The following LTBR variants were observed in gnomAD, a reference collection of about 807,000 sequenced individuals.
The protein encoded by LTBR is lymphotoxin beta receptor.
Under a neutral mutation model 45.4 loss-of-function variants are expected in LTBR, and 15 were observed. That is an observed-to-expected ratio of 0.33 (90% CI 0.22 to 0.51). LTBR has a LOEUF of 0.51. LTBR is among the 20% of genes least tolerant of loss of function. The pLI is 0.97. For synonymous variants in LTBR, 228 were observed against 231.0 expected, an observed-to-expected ratio of 0.99 and a Z score of 0.12; for missense variants, 450 against 565.5, an observed-to-expected ratio of 0.80 and a Z score of 2.07.
intron 8 of LTBR, chr12:6,389,449 C>T (rs1047325481): frequency 1.9e-5 from 3 of 156,596 alleles, no homozygotes; most frequent in African/African-American, 4.8e-5. Context: ...GGCTCACGCC[C>T]AAGCTCCCAT....
At chr12:6,387,310 T>C (rs1949060931) in intron 6 of LTBR, 1 of 152,320 alleles carries the variant, frequency 6.6e-6, no homozygotes. Flanking sequence ...TGTTGTTGTT[T>C]ACTAAAAGTG....
chr12:6,375,223 T>C, upstream of LTBR: 7 of 1,440,956 alleles, frequency 4.9e-6, no homozygotes, highest in Non-Finnish European at 6.3e-6. Flanking sequence ...TGCCTTCTGT[T>C]TCTCTTTGGG....
intron 1 of LTBR, among the ~76,000 whole-genome samples, chr12:6,378,445 A>G (rs1948942600): frequency 6.6e-6 from 1 of 152,078 alleles, no homozygotes; most frequent in Non-Finnish European, 1.5e-5. Context: ...GAGCCACCAT[A>G]CTCAGCCCCT....
chr12:6,375,309 C>T, upstream of LTBR: 2 of 1,437,672 alleles, frequency 1.4e-6, no homozygotes, highest in South Asian at 1.5e-5. Context: ...CCTTGCCTTG[C>T]CCCCTCTCAC....
upstream of LTBR, among the ~76,000 whole-genome samples, chr12:6,382,306 G>A (rs543416845): frequency 1.4e-3 from 212 of 152,306 alleles, 1 homozygote; most frequent in African/African-American, 4.7e-3. Context: ...GGGGGAGGGG[G>A]TATACAGAAT....
chr12:6,389,987 G>A, intron 8 of LTBR, 125 bp from the exon 9 acceptor site: 1 of 703,946 alleles, frequency 1.4e-6, no homozygotes, highest in Non-Finnish European at 2.5e-6. Flanking sequence ...GAGAAAGAGA[G>A]AGAGAGAGAG....
intron 9 of LTBR, 58 bp downstream of exon 9, chr12:6,390,398 G>A: frequency 7.0e-7 from 1 of 1,430,140 alleles, no homozygotes; most frequent in Non-Finnish European, 9.6e-7. Flanking sequence ...GGCTGGCAGG[G>A]AGAGACTGTG....
At position 6,385,628 on chromosome 12, in the gene LTBR, C is replaced by G. The variant is rs1015114508; in HGVS notation, c.472+249C>G. 5 of 541,872 alleles carry G rather than the reference C, an allele frequency of 9.2e-6. No homozygotes were observed. The Admixed American group carries it at 9.7e-5, about 10-fold the overall frequency. 33.6% of individuals were successfully genotyped at this position (541,872 alleles called of 1,614,324 possible). A position where few individuals can be genotyped will look rare whatever the true frequency, so the allele number is the denominator to read the frequency against. On this transcript the variant is annotated intron_variant, in intron 4 of 9. Coordinates refer to ENST00000228918, the MANE Select transcript of LTBR (RefSeq NM_002342.3). ...TTGGGCAAAATGGTAGGCAGTAGGCCGGGTGTGGTGGCCCACGCCTGTAAT... is the reference window on the plus strand; with the variant it reads ...TTGGGCAAAATGGTAGGCAGTAGGCGGGGTGTGGTGGCCCACGCCTGTAAT...
chr12:6,386,730 C>A lies in LTBR; in HGVS notation c.667+286C>A. The A allele has an allele frequency of 6.0e-6, 2 of 331,110 alleles. No individual in the cohort carries two copies. The highest frequency in any genetic ancestry group is 1.1e-5 in the Non-Finnish European group (2 of 181,514). 20.5% of individuals were successfully genotyped at this position (331,110 alleles called of 1,614,324 possible). A position where few individuals can be genotyped will look rare whatever the true frequency, so the allele number is the denominator to read the frequency against. The stretch of plus-strand genomic sequence containing the variant: ...ACTATTGTCATCATTTTGGGCTTAC[C>A]AACATTACACAATCCGTTTTTTTTT... On this transcript the variant is annotated intron_variant, in intron 6 of 9. Coordinates refer to ENST00000228918, the MANE Select transcript of LTBR (RefSeq NM_002342.3). The surrounding 1 kb of genome is among the most constrained non-coding windows in gnomAD (Gnocchi z 4.1).
At chr12:6,379,031 C>T (rs188136368) in intron 1 of LTBR, among the ~76,000 whole-genome samples, 108 of 152,292 alleles carry the variant, frequency 7.1e-4, no homozygotes, top group African/African-American at 2.6e-3. Context: ...CAGGAGATGA[C>T]GGAAGTAATC....
intron 4 of LTBR, 78 bp downstream of exon 4, chr12:6,385,457 A>G: frequency 1.3e-6 from 2 of 1,497,516 alleles, no homozygotes; most frequent in Non-Finnish European, 1.8e-6. Flanking sequence ...GGAATATGGT[A>G]CTGTGTCCAC....
At chr12:6,390,082 A>G in intron 8 of LTBR, 30 bp from the exon 9 acceptor site, 1 of 1,493,048 alleles carries the variant, frequency 6.7e-7, no homozygotes, top group South Asian at 1.1e-5. Context: ...GGCCCTCATC[A>G]TTGTTTGGGT....
upstream of LTBR, among the ~76,000 whole-genome samples, chr12:6,382,004 G>A (rs192211880): frequency 1.6e-3 from 247 of 152,166 alleles, 1 homozygote; most frequent in African/African-American, 5.6e-3. Context: ...GAAGAGAAGA[G>A]GTGTTCTGGA....
intron 1 of LTBR, among the ~76,000 whole-genome samples, chr12:6,376,564 G>A (rs1948913703): frequency 1.3e-5 from 2 of 152,260 alleles, no homozygotes; most frequent in South Asian, 2.1e-4. Context: ...CAGGCCCTGG[G>A]AGGAGGAGAA....
rs774133124 is a variant in LTBR, at chr12:6,388,928, C to A, written c.801+103C>A. 4 of 1,386,064 alleles carry A rather than the reference C, an allele frequency of 2.9e-6. No homozygotes were observed. The highest frequency in any genetic ancestry group is 4.1e-6 in the Non-Finnish European group (4 of 979,600). 85.9% of individuals were successfully genotyped at this position (1,386,064 alleles called of 1,614,324 possible). A position where few individuals can be genotyped will look rare whatever the true frequency, so the allele number is the denominator to read the frequency against. ...TATGCAGGCTGACTCCACACTCATTCATTCATTCAACTGATGATTTACTGA... is the reference window on the plus strand; with the variant it reads ...TATGCAGGCTGACTCCACACTCATTAATTCATTCAACTGATGATTTACTGA... On this transcript the variant is annotated intron_variant, in intron 8 of 9. Transcript: ENST00000228918. The surrounding 1 kb of genome is among the most constrained non-coding windows in gnomAD (Gnocchi z 4.3).
At chr12:6,385,491 T>A in intron 4 of LTBR, 112 bp downstream of exon 4, 2 of 1,284,850 alleles carry the variant, frequency 1.6e-6, no homozygotes, top group Non-Finnish European at 1.1e-6. Context: ...ATCCTTGGCT[T>A]AAAATTCCTC....
upstream of LTBR, among the ~76,000 whole-genome samples, chr12:6,382,607 ATCTGTACGG>A (rs1458819149): frequency 6.6e-6 from 1 of 152,300 alleles, no homozygotes; most frequent in South Asian, 2.1e-4. Context: ...TCTTTGGCCC[ATCTGTACGG>A]TGAGCTGCCT....
At chr12:6,387,073 T>C (rs987467034) in intron 6 of LTBR, 1 of 152,328 alleles carries the variant, frequency 6.6e-6, no homozygotes. Flanking sequence ...TTAAGTGATA[T>C]ACTCAAGATC....
chr12:6,384,611 C>T lies in LTBR; in HGVS notation c.120C>T (p.Asn40=). 1 of 1,614,168 alleles carries T rather than the reference C, an allele frequency of 6.2e-7. No individual in the cohort carries two copies. Among genetic ancestry groups the T allele is most frequent in the Non-Finnish European group, 8.5e-7 (1 of 1,179,990 alleles). Residue 40 remains asparagine (N), a synonymous_variant, in exon 2 of 10, where the codon AAC becomes AAT. Transcript: ENST00000228918. ...PQAVPPYASE[N]QTCRDQEKEY... ...AGGTGCCTCCATATGCGTCGGAGAA[C>T]CAGACCTGCAGGGACCAGGAAAAGG... is the stretch of plus-strand genomic sequence containing the variant.
Sources: gnomAD v4.1 joint callset for allele counts (sites outside exome capture counted in the v4.1 genomes callset) on GRCh38, gnomAD v4.1.1 for gene constraint, Gnocchi (gnomAD v3.1) non-coding constraint, MANE v1.5 for transcripts, NCBI Gene and HGNC (gene_info 2026-07-23, HGNC 2026-07-21) for gene names.